SBF2: variants seen among roughly 807,000 people sequenced by gnomAD.
SBF2 encodes SET binding factor 2, also known as myotubularin-related protein 13.
Under a neutral mutation model 225.2 loss-of-function variants are expected in SBF2, and 112 were observed. The ratio of observed to expected loss-of-function variants is 0.50; its 90% CI spans 0.43 to 0.58. The LOEUF is 0.58. Among genes scored for constraint, SBF2 ranks in the 20% least tolerant of loss-of-function variants. The pLI is 0.00. For synonymous variants in SBF2, 763 were observed against 773.3 expected, an observed-to-expected ratio of 0.99 and a Z score of 0.22; for missense variants, 1,996 against 2,206.2, an observed-to-expected ratio of 0.90 and a Z score of 1.91.
chr11:9,995,115 T>C (rs769989873), intron 9 of SBF2, among the ~76,000 whole-genome samples: 6 of 151,754 alleles, frequency 4.0e-5, no homozygotes, highest in Non-Finnish European at 7.4e-5. Context: ...CAGGTGAAAG[T>C]ATAAAACTAT....
At chr11:10,010,109 T>C (rs1353871543) in intron 6 of SBF2, among the ~76,000 whole-genome samples, 1 of 152,222 alleles carries the variant, frequency 6.6e-6, no homozygotes, top group African/African-American at 2.4e-5. Flanking sequence ...TTTTTTCTTG[T>C]AAATTTGAGT....
intron 32 of SBF2, among the ~76,000 whole-genome samples, chr11:9,805,182 G>A (rs1228022001): frequency 6.7e-6 from 1 of 148,898 alleles, no homozygotes; most frequent in East Asian, 2.0e-4. Context: ...GGAGGCGGAG[G>A]TTGTAGTGAG....
At chr11:10,148,146 C>T (rs1290830078) in intron 2 of SBF2, among the ~76,000 whole-genome samples, 1 of 152,034 alleles carries the variant, frequency 6.6e-6, no homozygotes, top group Non-Finnish European at 1.5e-5. Flanking sequence ...ACTGCTATAA[C>T]CCAAATCTCA....
At chr11:9,865,731 G>C (rs1019115107) in intron 17 of SBF2, among the ~76,000 whole-genome samples, 4 of 149,692 alleles carry the variant, frequency 2.7e-5, no homozygotes, top group Admixed American at 6.7e-5. Flanking sequence ...GGAGGCGTTG[G>C]GGGGCGAAAC....
chr11:9,820,318 C>T (rs999210511), intron 28 of SBF2, among the ~76,000 whole-genome samples: 4 of 152,178 alleles, frequency 2.6e-5, no homozygotes, highest in African/African-American at 4.8e-5. Flanking sequence ...ACTGATGGCT[C>T]TGGTGGCCAA....
chr11:10,171,319 T>C (rs1363151998), intron 2 of SBF2, among the ~76,000 whole-genome samples: 3 of 152,218 alleles, frequency 2.0e-5, no homozygotes, highest in Admixed American at 6.5e-5. Context: ...GTTCCTTCTA[T>C]ACCCAGTTTT....
chr11:10,064,138 A>C (rs181551611), intron 2 of SBF2, among the ~76,000 whole-genome samples: 2 of 152,276 alleles, frequency 1.3e-5, no homozygotes, highest in East Asian at 3.9e-4. Flanking sequence ...ACACTGCAGC[A>C]TGGGGTTTAT....
chr11:10,005,969 T>C (rs1398287202), intron 6 of SBF2, among the ~76,000 whole-genome samples: 2 of 152,144 alleles, frequency 1.3e-5, no homozygotes, highest in Admixed American at 6.5e-5. Flanking sequence ...GGTAAGATCA[T>C]TGACCTGAGA....
chr11:9,962,629 C>T (rs75721501), intron 15 of SBF2, among the ~76,000 whole-genome samples: 2,621 of 152,214 alleles, frequency 0.017, 58 homozygotes, highest in African/African-American at 0.056. Context: ...AAAAAGGACT[C>T]GGAGTTGCAA....
At chr11:9,882,602 A>G (rs58098261) in intron 17 of SBF2, among the ~76,000 whole-genome samples, 20,352 of 151,972 alleles carry the variant, frequency 0.13, 1,616 homozygotes, top group East Asian at 0.28. Flanking sequence ...AAGTCAGGAG[A>G]TCGAGACCAT....
At chr11:9,932,655 A>G (rs61876947) in intron 16 of SBF2, among the ~76,000 whole-genome samples, 31,133 of 152,112 alleles carry the variant, frequency 0.2, 3,939 homozygotes, top group Non-Finnish European at 0.29. Flanking sequence ...AGGAACAACC[A>G]GTACCAGCCA....
intron 2 of SBF2, among the ~76,000 whole-genome samples, chr11:10,117,286 C>T (rs12293889): frequency 0.015 from 2,215 of 151,712 alleles, 51 homozygotes; most frequent in African/African-American, 0.049. Context: ...ACTAAAAATA[C>T]AAAAATTAGC....
chr11:9,927,189 T>G (rs1332405623), intron 16 of SBF2, among the ~76,000 whole-genome samples: 1 of 152,196 alleles, frequency 6.6e-6, no homozygotes, highest in Non-Finnish European at 1.5e-5. Flanking sequence ...AAATACCTCT[T>G]ACAAAATAAA....
chr11:9,918,987 T>C (rs972452020), intron 16 of SBF2, among the ~76,000 whole-genome samples: 1 of 151,618 alleles, frequency 6.6e-6, no homozygotes, highest in Non-Finnish European at 1.5e-5. Flanking sequence ...TGTGATCCGC[T>C]CGCCTTGGCC....
At chr11:10,090,395 A>C (rs1477676145) in intron 2 of SBF2, among the ~76,000 whole-genome samples, 2 of 152,218 alleles carry the variant, frequency 1.3e-5, no homozygotes, top group Admixed American at 1.3e-4. Flanking sequence ...GACAGGTCTC[A>C]CCCAAACACT....
rs942849510 is a variant in SBF2, at chr11:9,963,830, T to C, written c.1653A>G (p.Glu551=). ...TGAATGAGATACAGTTTCTGACAACTTCTAGTCTTTGTGCACTGTTGAAAA... is the reference window on the plus strand; with the variant it reads ...TGAATGAGATACAGTTTCTGACAACCTCTAGTCTTTGTGCACTGTTGAAAA... ...TTVFNSAQRL[E]VVRNCISFIF... Residue 551 remains glutamate, a synonymous_variant, in exon 15 of 40, where the codon GAA becomes GAG. Transcript: ENST00000256190. The C allele has an allele frequency of 1.9e-5, 31 of 1,611,644 alleles. No individual in the cohort carries two copies. Among genetic ancestry groups the C allele is most frequent in the Non-Finnish European group, 2.0e-5 (24 of 1,178,276 alleles).
chr11:9,926,203 A>G (rs538611159), intron 16 of SBF2, among the ~76,000 whole-genome samples: 9 of 152,276 alleles, frequency 5.9e-5, no homozygotes, highest in Non-Finnish European at 1.2e-4. Flanking sequence ...TCTACACTGC[A>G]TAAGTAGAAA....
chr11:10,064,279 T>A (rs992681392), intron 2 of SBF2, among the ~76,000 whole-genome samples: 5 of 152,072 alleles, frequency 3.3e-5, no homozygotes, highest in African/African-American at 1.2e-4. Context: ...AAGTAGAATA[T>A]ACAAATTAAA....
intron 1 of SBF2, among the ~76,000 whole-genome samples, chr11:10,234,604 C>A (rs1378679872): frequency 6.6e-6 from 1 of 152,134 alleles, no homozygotes; most frequent in Non-Finnish European, 1.5e-5. Flanking sequence ...TAATTGACAA[C>A]AAAATTTTCC....
Sources: gnomAD v4.1 joint callset for allele counts (sites outside exome capture counted in the v4.1 genomes callset) on GRCh38, gnomAD v4.1.1 for gene constraint, MANE v1.5 for transcripts, NCBI Gene and HGNC (gene_info 2026-07-23, HGNC 2026-07-21) for gene names.